Variants in UGT1A8 observed in about 807,000 individuals in gnomAD.
The protein encoded by UGT1A8 is UDP-glucuronosyltransferase 1A8.
Under a neutral mutation model 45.3 loss-of-function variants are expected in UGT1A8, and 39 were observed. The ratio of observed to expected loss-of-function variants is 0.86; its 90% CI spans 0.67 to 1.12. UGT1A8 has a LOEUF of 1.12. Among genes scored for constraint, UGT1A8 ranks in the 50% most tolerant of loss-of-function variants. The pLI is 0.00. For missense variants in UGT1A8, 719 were observed against 664.9 expected (o/e 1.08, Z -0.90); for synonymous variants, 275 against 249.2 (o/e 1.10, Z -0.97).
intron 1 of UGT1A8, among the ~76,000 whole-genome samples, chr2:233,638,474 C>T (rs937445847): frequency 6.6e-6 from 1 of 152,092 alleles, no homozygotes; most frequent in Non-Finnish European, 1.5e-5. Flanking sequence ...GATATTTGTA[C>T]TGCTTCTTTT....
chr2:233,729,874 A>C (rs1272831634), intron 1 of UGT1A8: 1 of 1,613,832 alleles, frequency 6.2e-7, no homozygotes, highest in Non-Finnish European at 8.5e-7. Flanking sequence ...GGATATTCTC[A>C]GTCATGCATC....
intron 1 of UGT1A8, among the ~76,000 whole-genome samples, chr2:233,744,276 T>C (rs1409934425): frequency 2.0e-5 from 3 of 151,780 alleles, no homozygotes; most frequent in South Asian, 2.1e-4. Context: ...AAGTAGGCTT[T>C]ATATCAGTCT....
rs1289554651 is a variant in UGT1A8 at position 233,618,276 on chromosome 2, T to C, written c.569T>C (p.Val190Ala). Residue 190 changes from valine to alanine, a missense_variant, in exon 1 of 5, where the codon GTC becomes GCC. By Grantham distance (64) the Val-to-Ala change is moderately conservative. Coordinates refer to ENST00000373450, the MANE Select transcript of UGT1A8 (RefSeq NM_019076.5). ...CAGTGCCCTGCTCCTCTTTCCTATG[T>C]CCCCAGAATTCTCTTAGGGTTCTCA... ...GAQCPAPLSY[V>A]PRILLGFSDA... is the part of the protein sequence containing the mutation. The C allele has an allele frequency of 1.2e-6, 2 of 1,613,920 alleles. No individual in the cohort carries two copies. The highest frequency in any genetic ancestry group is 8.5e-7 in the Non-Finnish European group (1 of 1,179,854).
chr2:233,689,996 C>A, intron 1 of UGT1A8: 1 of 450,728 alleles, frequency 2.2e-6, no homozygotes, highest in Non-Finnish European at 4.4e-6. Flanking sequence ...GGGATTCTCA[C>A]TTCATCTCAC....
intron 1 of UGT1A8, among the ~76,000 whole-genome samples, chr2:233,666,089 A>G (rs1345074163): frequency 1.3e-5 from 2 of 152,256 alleles, no homozygotes; most frequent in Non-Finnish European, 2.9e-5. Flanking sequence ...GACTCAGGCT[A>G]CTTCCACTCA....
intron 1 of UGT1A8, among the ~76,000 whole-genome samples, chr2:233,750,910 G>A (rs1371262201): frequency 6.6e-6 from 1 of 151,884 alleles, no homozygotes; most frequent in African/African-American, 2.4e-5. Flanking sequence ...GCTAGAGAAG[G>A]GTGGTAAAGA....
At chr2:233,724,957 G>A in intron 1 of UGT1A8, among the ~76,000 whole-genome samples, 1 of 142,916 alleles carries the variant, frequency 7.0e-6, no homozygotes, top group Non-Finnish European at 1.5e-5. Flanking sequence ...GGCACCTCGG[G>A]AGGCCGAGGT....
intron 1 of UGT1A8, among the ~76,000 whole-genome samples, chr2:233,645,090 C>T (rs1453251696): frequency 6.6e-6 from 1 of 152,174 alleles, no homozygotes; most frequent in Non-Finnish European, 1.5e-5. Flanking sequence ...ATCAAAAGAA[C>T]TTTAAAAAAC....
chr2:233,630,239 G>A (rs2073163113), intron 1 of UGT1A8, among the ~76,000 whole-genome samples: 1 of 152,014 alleles, frequency 6.6e-6, no homozygotes, highest in Admixed American at 6.6e-5. Flanking sequence ...ATCTGCAAGT[G>A]CCCCAGTCAC....
intron 1 of UGT1A8, among the ~76,000 whole-genome samples, chr2:233,666,278 C>T (rs987379993): frequency 1.3e-5 from 2 of 152,212 alleles, no homozygotes; most frequent in Non-Finnish European, 2.9e-5. Context: ...TCAAACACCT[C>T]CTGCTAAGCC....
intron 1 of UGT1A8, chr2:233,760,277 G>T: frequency 6.2e-7 from 1 of 1,612,686 alleles, no homozygotes. Context: ...TCTGGCAGGA[G>T]CAAAGGCGCC....
Position 233,760,233 on chromosome 2 carries a change from C to CATATAT in UGT1A8, c.856-6791_856-6786dup, listed in dbSNP as rs3064744. 17 of 1,510,056 alleles carry CATATAT rather than the reference C, an allele frequency of 1.1e-5. No individual in the cohort carries two copies. The African/African-American group carries it at 1.9e-4, about 17-fold the overall frequency. The allele number at this position is 1,510,056 out of a possible 1,614,324, so 93.5% of individuals were successfully genotyped here. On this transcript the variant is annotated intron_variant, in intron 1 of 4. Coordinates refer to ENST00000373450, the MANE Select transcript of UGT1A8 (RefSeq NM_019076.5). ...ACTTGGTGTATCGATTGGTTTTTGC[C>CATATAT]ATATATATATATATAAGTAGGAGAG...
intron 1 of UGT1A8, among the ~76,000 whole-genome samples, chr2:233,696,293 A>G (rs2075336529): frequency 2.0e-5 from 3 of 152,250 alleles, no homozygotes. Flanking sequence ...GGACTGTAAT[A>G]TCGTGAAATA....
intron 1 of UGT1A8, among the ~76,000 whole-genome samples, chr2:233,720,226 G>C (rs989732732): frequency 6.6e-6 from 1 of 152,194 alleles, no homozygotes; most frequent in Non-Finnish European, 1.5e-5. Flanking sequence ...CATGTGATCA[G>C]AGAATGAAAC....
chr2:233,637,401 A>G, intron 1 of UGT1A8: 1 of 1,586,328 alleles, frequency 6.3e-7, no homozygotes, highest in Non-Finnish European at 8.6e-7. Flanking sequence ...CCTTTAGCAC[A>G]TTAAGAATAA....
intron 1 of UGT1A8, among the ~76,000 whole-genome samples, chr2:233,757,560 A>ATATATATATATATATACATATATATATG (rs904896556): frequency 8.1e-6 from 1 of 123,146 alleles, no homozygotes; most frequent in African/African-American, 3.4e-5. Context: ...ATATATATAT[A>ATATATATATATATATACATATATATATG]TGTATATATG....
intron 1 of UGT1A8, among the ~76,000 whole-genome samples, chr2:233,701,759 A>C (rs1211799362): frequency 5.3e-5 from 8 of 152,238 alleles, no homozygotes; most frequent in African/African-American, 1.9e-4. Flanking sequence ...GTACATAACG[A>C]AATGAAGGCA....
intron 1 of UGT1A8, among the ~76,000 whole-genome samples, chr2:233,664,163 C>A (rs567138228): frequency 2.8e-4 from 43 of 152,310 alleles, no homozygotes; most frequent in African/African-American, 8.9e-4. Context: ...CTCATTTTCA[C>A]ATGAGACCTC....
chr2:233,683,077 A>C lies in UGT1A8; in HGVS notation c.855+64515A>C, dbSNP rs150800988. Among the ~76,000 whole-genome samples the C allele has an allele frequency of 9.2e-5, 14 of 152,244 alleles. No homozygotes were observed. The East Asian group carries it at 2.7e-3, about 29-fold the overall frequency. ...CAAAAAAACCACAGTAAGAAATGAA[A>C]CTTCCCTTTTTTTGCTAATTCTACA... On this transcript the variant is annotated intron_variant, in intron 1 of 4. Coordinates refer to ENST00000373450, the MANE Select transcript of UGT1A8 (RefSeq NM_019076.5).
Sources: allele counts gnomAD v4.1 joint callset (sites outside exome capture counted in the v4.1 genomes callset), GRCh38; gene constraint gnomAD v4.1.1; transcripts MANE v1.5; gene names NCBI Gene and HGNC (gene_info 2026-07-23, HGNC 2026-07-21).